EPM2A: variants seen among roughly 807,000 people sequenced by gnomAD.
The protein encoded by EPM2A is EPM2A glucan phosphatase, laforin.
Under a neutral mutation model 26.5 loss-of-function variants are expected in EPM2A, and 21 were observed. The ratio of observed to expected loss-of-function variants is 0.79; its 90% CI spans 0.56 to 1.14. EPM2A has a LOEUF of 1.14. Ranked by LOEUF, EPM2A falls within the 50% of genes most tolerant of loss-of-function variation. The pLI is 0.00. For synonymous variants in EPM2A, 217 were observed against 177.6 expected (o/e 1.22, Z -1.76); for missense variants, 458 against 440.8 (o/e 1.04, Z -0.35).
At chr6:145,429,750 T>G (rs1339003763) in intron 4 of EPM2A, among the ~76,000 whole-genome samples, 2 of 152,230 alleles carry the variant, frequency 1.3e-5, no homozygotes, top group Non-Finnish European at 2.9e-5. Flanking sequence ...GAGAATTTTT[T>G]AACATTTTCT....
chr6:145,453,578 G>A (rs1779225300), intron 4 of EPM2A, among the ~76,000 whole-genome samples: 1 of 152,262 alleles, frequency 6.6e-6, no homozygotes. Context: ...TATTGCAGCT[G>A]TGCAAAGATT....
At chr6:145,403,641 C>T (rs1251114361) in intron 4 of EPM2A, among the ~76,000 whole-genome samples, 1 of 152,006 alleles carries the variant, frequency 6.6e-6, no homozygotes, top group African/African-American at 2.4e-5. Context: ...GTATGAGTAC[C>T]ACATTTTCTT....
intron 4 of EPM2A, among the ~76,000 whole-genome samples, chr6:145,427,370 C>T (rs1005060662): frequency 1.8e-4 from 28 of 152,094 alleles, no homozygotes; most frequent in Middle Eastern, 6.8e-3. Context: ...CAGAGTAAAA[C>T]GGCTGATGCA....
chr6:145,602,174 G>A (rs957431253), intron 2 of EPM2A, among the ~76,000 whole-genome samples: 1 of 152,068 alleles, frequency 6.6e-6, no homozygotes, highest in African/African-American at 2.4e-5. Context: ...TATTTGGGAT[G>A]TATACAACAT....
intron 2 of EPM2A, among the ~76,000 whole-genome samples, chr6:145,546,522 G>A (rs1334749959): frequency 6.6e-6 from 1 of 151,968 alleles, no homozygotes; most frequent in East Asian, 1.9e-4. Context: ...AGCTCTCTGG[G>A]TATCCCTTCA....
At chr6:145,717,718 A>C (rs11155439) in intron 1 of EPM2A, among the ~76,000 whole-genome samples, 104,253 of 145,306 alleles carry the variant, frequency 0.72, 38,106 homozygotes, top group African/African-American at 0.81. Context: ...TCTAGAAAAC[A>C]CCATTGTCTC....
intron 1 of EPM2A, among the ~76,000 whole-genome samples, chr6:145,694,358 G>A (rs1030739091): frequency 4.6e-5 from 7 of 151,980 alleles, no homozygotes; most frequent in Non-Finnish European, 8.8e-5. Context: ...GCACTTTGAT[G>A]TTCTCTTCTA....
chr6:145,430,266 C>T (rs1028777659), intron 4 of EPM2A, among the ~76,000 whole-genome samples: 2 of 151,934 alleles, frequency 1.3e-5, no homozygotes, highest in Non-Finnish European at 2.9e-5. Flanking sequence ...TGAGAAATGG[C>T]ATTTGTTATC....
intron 2 of EPM2A, among the ~76,000 whole-genome samples, chr6:145,551,220 G>T (rs1780651264): frequency 6.6e-6 from 1 of 151,998 alleles, no homozygotes; most frequent in South Asian, 2.1e-4. Context: ...CATTTTAAAT[G>T]CACTGTTAAC....
chr6:145,550,588 T>G (rs1307743456), intron 2 of EPM2A, among the ~76,000 whole-genome samples: 4 of 152,098 alleles, frequency 2.6e-5, no homozygotes, highest in African/African-American at 9.6e-5. Flanking sequence ...AGTTGACTAT[T>G]AAATGACACC....
intron 2 of EPM2A, among the ~76,000 whole-genome samples, chr6:145,535,281 A>G (rs1461225250): frequency 6.6e-6 from 1 of 152,218 alleles, no homozygotes; most frequent in Non-Finnish European, 1.5e-5. Flanking sequence ...AAATTCTGAC[A>G]ACCCTCAAAC....
intron 1 of EPM2A, among the ~76,000 whole-genome samples, chr6:145,707,010 T>C (rs557846204): frequency 6.6e-6 from 1 of 152,328 alleles, no homozygotes; most frequent in South Asian, 2.1e-4. Flanking sequence ...CTCTGCCATG[T>C]GAGGCTGCAG....
intron 4 of EPM2A, chr6:145,491,139 T>C (rs1009064711): frequency 1.8e-6 from 1 of 556,616 alleles, no homozygotes. Context: ...TTTCCTCTAA[T>C]GGAGCTGAGT....
chr6:145,400,679 T>C (rs938049960), intron 4 of EPM2A, among the ~76,000 whole-genome samples: 2 of 152,206 alleles, frequency 1.3e-5, no homozygotes, highest in African/African-American at 4.8e-5. Context: ...AAAGTGAACA[T>C]GGAACATAGG....
chr6:145,549,951 G>A (rs1257041676), intron 2 of EPM2A, among the ~76,000 whole-genome samples: 1 of 152,130 alleles, frequency 6.6e-6, no homozygotes, highest in Non-Finnish European at 1.5e-5. Context: ...AGCAGATGGG[G>A]TAGGAATGAC....
At chr6:145,419,317 A>G (rs993695458) in intron 4 of EPM2A, among the ~76,000 whole-genome samples, 4 of 152,132 alleles carry the variant, frequency 2.6e-5, no homozygotes, top group African/African-American at 9.7e-5. Flanking sequence ...CTGGGCTACA[A>G]TATTTCCAAA....
At chr6:145,568,139 T>TTTGCA (rs1239984482) in intron 2 of EPM2A, among the ~76,000 whole-genome samples, 8 of 152,158 alleles carry the variant, frequency 5.3e-5, no homozygotes. Context: ...AGTGTACTGT[T>TTTGCA]TTGCATTTCT....
intron 4 of EPM2A, among the ~76,000 whole-genome samples, chr6:145,486,897 G>A (rs866210590): frequency 6.6e-6 from 1 of 151,890 alleles, no homozygotes; most frequent in Admixed American, 6.6e-5. Flanking sequence ...TTGTTATATA[G>A]GTAAACATGT....
chr6:145,519,201 A>G (rs960684598), intron 2 of EPM2A, among the ~76,000 whole-genome samples: 2 of 152,178 alleles, frequency 1.3e-5, no homozygotes, highest in African/African-American at 2.4e-5. Context: ...AAATATCTTG[A>G]TAGTTGATTA....
Sources: gnomAD v4.1 joint callset for allele counts (sites outside exome capture counted in the v4.1 genomes callset) on GRCh38, gnomAD v4.1.1 for gene constraint, MANE v1.5 for transcripts, NCBI Gene and HGNC (gene_info 2026-07-23, HGNC 2026-07-21) for gene names.